CRACDL: variants seen among roughly 807,000 people sequenced by gnomAD.
The protein encoded by CRACDL is CRACD-like protein.
CRACDL carries 26 observed loss-of-function variants against 70.6 expected under a neutral mutation model. The ratio of observed to expected loss-of-function variants is 0.37; its 90% CI spans 0.27 to 0.51. CRACDL has a LOEUF of 0.51. Among genes scored for constraint, CRACDL ranks in the 20% least tolerant of loss-of-function variants. The pLI, the probability that CRACDL is intolerant of heterozygous loss-of-function variation, is 0.94. For missense variants in CRACDL, 1,283 were observed against 1,376.9 expected (o/e 0.93, Z 1.08); for synonymous variants, 618 against 615.2 (o/e 1.00, Z -0.07).
chr2:98,916,035 G>A (rs986721090), intron 1 of CRACDL, among the ~76,000 whole-genome samples: 5 of 152,208 alleles, frequency 3.3e-5, no homozygotes, highest in African/African-American at 1.2e-4. Context: ...CAGACGGATG[G>A]CACAGATCCA....
intron 5 of CRACDL, among the ~76,000 whole-genome samples, chr2:98,829,800 G>A (rs1415648705): frequency 6.6e-6 from 1 of 152,224 alleles, no homozygotes; most frequent in Non-Finnish European, 1.5e-5. Context: ...GCTGGGGGCA[G>A]TGCATGCAGG....
At chr2:98,797,076 A>G (rs1429050722) in intron 8 of CRACDL, among the ~76,000 whole-genome samples, 1 of 152,198 alleles carries the variant, frequency 6.6e-6, no homozygotes, top group East Asian at 1.9e-4. Context: ...GGGAGTAGAG[A>G]GCTGTCTGCA....
chr2:98,844,253 C>T (rs1165075425), intron 2 of CRACDL, among the ~76,000 whole-genome samples: 1 of 152,148 alleles, frequency 6.6e-6, no homozygotes, highest in East Asian at 1.9e-4. Context: ...ACCTCTCTGC[C>T]TTTTATTCCT....
intron 1 of CRACDL, among the ~76,000 whole-genome samples, chr2:98,889,183 A>G (rs995240728): frequency 5.3e-5 from 8 of 150,210 alleles, no homozygotes; most frequent in African/African-American, 1.7e-4. Flanking sequence ...GAAGGAAAGA[A>G]GGAAGGAAGG....
chr2:98,809,009 T>C (rs919414558), intron 7 of CRACDL, among the ~76,000 whole-genome samples: 1 of 152,292 alleles, frequency 6.6e-6, no homozygotes, highest in African/African-American at 2.4e-5. Flanking sequence ...TGGTCCCCCA[T>C]CCCAGGTAGA....
chr2:98,844,632 G>C (rs1305715310), intron 2 of CRACDL, among the ~76,000 whole-genome samples: 1 of 152,212 alleles, frequency 6.6e-6, no homozygotes, highest in Non-Finnish European at 1.5e-5. Context: ...CACATTTGGA[G>C]ATACTGGAGA....
At chr2:98,820,641 T>A (rs2104459370) in intron 7 of CRACDL, among the ~76,000 whole-genome samples, 1 of 152,340 alleles carries the variant, frequency 6.6e-6, no homozygotes, top group African/African-American at 2.4e-5. Flanking sequence ...TGAAACACTA[T>A]AAGAAGTGAC....
At chr2:98,812,427 T>A (rs1704608960) in intron 7 of CRACDL, among the ~76,000 whole-genome samples, 1 of 152,222 alleles carries the variant, frequency 6.6e-6, no homozygotes, top group Admixed American at 6.5e-5. Flanking sequence ...CAAACTGTTT[T>A]CCAAAGTGAC....
intron 1 of CRACDL, among the ~76,000 whole-genome samples, chr2:98,920,191 G>A (rs1573201354): frequency 6.6e-6 from 1 of 152,186 alleles, no homozygotes; most frequent in Non-Finnish European, 1.5e-5. Flanking sequence ...GCTGGAACAC[G>A]CTGAACATCT....
chr2:98,834,017 TC>T, intron 3 of CRACDL, among the ~76,000 whole-genome samples: 1 of 152,292 alleles, frequency 6.6e-6, no homozygotes. Context: ...AACCCATGGC[TC>T]CCAGGATGTG....
chr2:98,800,356 T>A (rs1441612395), intron 7 of CRACDL, among the ~76,000 whole-genome samples: 1 of 151,446 alleles, frequency 6.6e-6, no homozygotes, highest in Non-Finnish European at 1.5e-5. Flanking sequence ...GGTGGAGGAG[T>A]TGTGTAAACC....
At chr2:98,858,085 A>T in intron 1 of CRACDL, among the ~76,000 whole-genome samples, 1 of 152,268 alleles carries the variant, frequency 6.6e-6, no homozygotes, top group East Asian at 1.9e-4. Context: ...GTCAAAGAAT[A>T]AATTACATGA....
rs771840806 is a variant in CRACDL, at chr2:98,869,174, G to A, written c.-10-22364C>T. ...CATCCTCCTGGAAGCTAGCAGCAGG[G>A]AGAAGAGTGGGCCTCCCTTTCCTCT... is the stretch of plus-strand genomic sequence containing the variant. On this transcript the variant is annotated intron_variant, in intron 1 of 9. Coordinates refer to ENST00000397899, the MANE Select transcript of CRACDL (RefSeq NM_207362.3). 5 of 1,304,322 alleles carry A rather than the reference G, an allele frequency of 3.8e-6. No homozygotes were observed. In the Middle Eastern group the frequency reaches 8.5e-4, roughly 222 times the overall value. 80.8% of individuals were successfully genotyped at this position (1,304,322 alleles called of 1,614,324 possible). A position where few individuals can be genotyped will look rare whatever the true frequency, so the allele number is the denominator to read the frequency against.
intron 1 of CRACDL, among the ~76,000 whole-genome samples, chr2:98,879,450 T>C (rs1343046087): frequency 6.6e-6 from 1 of 152,238 alleles, no homozygotes; most frequent in African/African-American, 2.4e-5. Context: ...TTCTGAGACA[T>C]GCATTTAGAG....
chr2:98,899,571 CA>C (rs1235753825), intron 1 of CRACDL, among the ~76,000 whole-genome samples: 1 of 152,098 alleles, frequency 6.6e-6, no homozygotes, highest in Non-Finnish European at 1.5e-5. Context: ...AGTGCCCTAG[CA>C]GGGGGCACTG....
chr2:98,796,232 G>C lies in CRACDL; in HGVS notation c.2637C>G (p.Ser879Arg), dbSNP rs771733695. The change falls in exon 9 of 10, where the codon AGC becomes AGG. Residue 879 changes from serine to arginine, a missense_variant. Physicochemically the swap from Ser to Arg is moderately radical, Grantham distance 110 (BLOSUM62 -1). Transcript: ENST00000397899. ...EPVKQADFVR[S>R]KSFLITPVKP... ...TCACAGGGGTTATCAGGAAAGACTTGCTGCGAACAAAGTCAGCTTGCTTCA... is the reference window on the plus strand; with the variant it reads ...TCACAGGGGTTATCAGGAAAGACTTCCTGCGAACAAAGTCAGCTTGCTTCA... 4.3e-6 allele frequency: 7 copies of C among 1,614,044 alleles called. No homozygotes were observed. Among genetic ancestry groups the C allele is most frequent in the Non-Finnish European group, 5.9e-6 (7 of 1,179,982 alleles).
chr2:98,863,181 C>T (rs367758902), intron 1 of CRACDL, among the ~76,000 whole-genome samples: 1 of 152,054 alleles, frequency 6.6e-6, no homozygotes, highest in East Asian at 1.9e-4. Flanking sequence ...TACAACAGAT[C>T]TGCAATAAGA....
chr2:98,880,083 T>G (rs978553785), intron 1 of CRACDL, among the ~76,000 whole-genome samples: 2 of 152,230 alleles, frequency 1.3e-5, no homozygotes, highest in African/African-American at 4.8e-5. Flanking sequence ...TGGTAGGTGT[T>G]AAATAAATGC....
At chr2:98,828,054 G>A (rs372768898) in intron 5 of CRACDL, among the ~76,000 whole-genome samples, 2 of 152,234 alleles carry the variant, frequency 1.3e-5, no homozygotes, top group Non-Finnish European at 2.9e-5. Context: ...CAGCACGGAA[G>A]AACTGATAGC....
Sources: gnomAD v4.1 joint callset for allele counts (sites outside exome capture counted in the v4.1 genomes callset) on GRCh38, gnomAD v4.1.1 for gene constraint, MANE v1.5 for transcripts, NCBI Gene and HGNC (gene_info 2026-07-23, HGNC 2026-07-21) for gene names.